MRPS6: variants seen among roughly 807,000 people sequenced by gnomAD.
MRPS6 encodes mitochondrial ribosomal protein S6, also known as small ribosomal subunit protein bS6m.
Under a neutral mutation model 13.1 loss-of-function variants are expected in MRPS6, and 6 were observed. The observed-to-expected ratio is 0.46, with a 90% confidence interval of 0.25 to 0.91. The LOEUF (loss-of-function observed/expected upper bound fraction) is 0.91, where lower values mean the gene tolerates loss of function less well. MRPS6 is among the 40% of genes least tolerant of loss of function. The pLI is 0.18. For missense variants in MRPS6, 164 were observed against 155.6 expected (o/e 1.05, Z -0.29); for synonymous variants, 61 against 56.5 (o/e 1.08, Z -0.36).
intron 1 of MRPS6, among the ~76,000 whole-genome samples, chr21:34,116,980 T>C (rs918863435): frequency 6.6e-6 from 1 of 152,118 alleles, no homozygotes; most frequent in Admixed American, 6.6e-5. Context: ...CCTTCCGACC[T>C]TTCAGAAGGT....
At chr21:34,120,013 C>T (rs143033709) in intron 1 of MRPS6, among the ~76,000 whole-genome samples, 167 of 152,268 alleles carry the variant, frequency 1.1e-3, no homozygotes, top group African/African-American at 3.3e-3. Flanking sequence ...TTGGGCTTTA[C>T]GGGGGACCCT....
intron 1 of MRPS6, chr21:34,105,793 GTTT>G (rs2148663184): frequency 1.0e-6 from 1 of 995,270 alleles, no homozygotes; most frequent in Admixed American, 6.1e-5. Context: ...ATTGTACAGT[GTTT>G]TAGTTGCAAG....
chr21:34,082,548 AG>A, intron 1 of MRPS6, among the ~76,000 whole-genome samples: 1 of 152,096 alleles, frequency 6.6e-6, no homozygotes, highest in East Asian at 1.9e-4. Flanking sequence ...TTTTGCTCAG[AG>A]TGTATCTGTG....
At chr21:34,117,977 A>G in intron 1 of MRPS6, among the ~76,000 whole-genome samples, 1 of 152,168 alleles carries the variant, frequency 6.6e-6, no homozygotes, top group East Asian at 1.9e-4. Flanking sequence ...AAGATTCTAC[A>G]CTATAGCCTG....
At chr21:34,092,855 G>T (rs560683773) in intron 1 of MRPS6, among the ~76,000 whole-genome samples, 9 of 152,302 alleles carry the variant, frequency 5.9e-5, no homozygotes, top group African/African-American at 1.9e-4. Flanking sequence ...CCATTGGGAA[G>T]AGTGATACCT....
intron 2 of MRPS6, among the ~76,000 whole-genome samples, chr21:34,137,126 T>G (rs1249642225): frequency 6.6e-6 from 1 of 152,242 alleles, no homozygotes; most frequent in Middle Eastern, 3.2e-3. Flanking sequence ...ACTTACATTC[T>G]CTATCAGAGT....
Position 34,073,593 on chromosome 21 carries a change from G to C in MRPS6, c.-108G>C. Reference sequence around the variant, plus strand: ...CTCGGACCGTGCTTTCGCCGCCTGGGAGCCGTCCGGCGCAGCAGTTTCTAG... The same window carrying C: ...CTCGGACCGTGCTTTCGCCGCCTGGCAGCCGTCCGGCGCAGCAGTTTCTAG... On this transcript the variant is annotated 5_prime_UTR_variant, in exon 1 of 3. Coordinates refer to ENST00000399312, the MANE Select transcript of MRPS6 (RefSeq NM_032476.4). 1.0e-6 allele frequency: 1 copy of C among 978,758 alleles called. No homozygotes were observed. The highest frequency in any genetic ancestry group is 3.6e-5 in the East Asian group (1 of 28,072). The allele number at this position is 978,758 out of a possible 1,614,324, so 60.6% of individuals were successfully genotyped here. A position where few individuals can be genotyped will look rare whatever the true frequency, so the allele number is the denominator to read the frequency against.
chr21:34,140,106 T>C (rs1281880325), intron 2 of MRPS6, among the ~76,000 whole-genome samples: 1 of 152,096 alleles, frequency 6.6e-6, no homozygotes, highest in East Asian at 1.9e-4. Flanking sequence ...ATGTTCTCTG[T>C]TTTTCTTTTT....
chr21:34,101,604 T>G, intron 1 of MRPS6: 3 of 1,000,246 alleles, frequency 3.0e-6, no homozygotes, highest in Non-Finnish European at 2.4e-6. Context: ...CTACACCTAG[T>G]CTTTTCAGCA....
In MRPS6 at chr21:34,142,331, A is replaced by G. The variant is rs375297819; in HGVS notation, c.186-77A>G. On this transcript the variant is annotated intron_variant, in intron 2 of 2. Transcript: ENST00000399312. The stretch of plus-strand genomic sequence containing the variant: ...AGTTGATGTCTGTCTAGGAAGAGTA[A>G]AATGGAAACACTGACCAAAATAGTA... 4 of 1,480,608 alleles carry G rather than the reference A, an allele frequency of 2.7e-6. No individual in the cohort carries two copies. In the South Asian group the frequency reaches 5.7e-5, roughly 21 times the overall value. The allele number at this position is 1,480,608 out of a possible 1,614,324, so 91.7% of individuals were successfully genotyped here.
At position 34,142,542 on chromosome 21, in the gene MRPS6, G is replaced by A. The variant is rs774641914; in HGVS notation, c.320G>A (p.Gly107Glu). 1 of 1,611,226 alleles carries A rather than the reference G, an allele frequency of 6.2e-7. No individual in the cohort carries two copies. The highest frequency in any genetic ancestry group is 1.1e-5 in the South Asian group (1 of 90,418). Residue 107 changes from glycine (G) to glutamate (E), a missense_variant, in exon 3 of 3, where the codon GGG becomes GAG. Coordinates refer to ENST00000399312, the MANE Select transcript of MRPS6 (RefSeq NM_032476.4). ...ACCCAGGAACTAAAAGAATGTGAAG[G>A]GATTGTCCCAGTCCCACTCGCAGAA... The part of the protein sequence containing the change: ...PLTQELKECE[G>E]IVPVPLAEKL...
intron 1 of MRPS6, chr21:34,123,883 C>T (rs1980209639): frequency 6.6e-6 from 1 of 152,188 alleles, no homozygotes; most frequent in African/African-American, 2.4e-5. Flanking sequence ...TCTCTGTCCT[C>T]TACCCCATTG....
intron 1 of MRPS6, among the ~76,000 whole-genome samples, chr21:34,074,222 C>T (rs1042356846): frequency 1.3e-5 from 2 of 151,030 alleles, no homozygotes; most frequent in Non-Finnish European, 3.0e-5. Flanking sequence ...ACCGCCTCCG[C>T]TCTAGCGCCC....
intron 2 of MRPS6, chr21:34,135,695 T>G: frequency 2.6e-6 from 1 of 387,310 alleles, no homozygotes; most frequent in Non-Finnish European, 5.2e-6. Context: ...GGACCACCAT[T>G]GATGATGGTG....
intron 1 of MRPS6, among the ~76,000 whole-genome samples, chr21:34,111,845 GTT>G (rs60855689): frequency 0.012 from 1,686 of 141,986 alleles, 37 homozygotes; most frequent in South Asian, 0.085. Context: ...CAGAGTTGAG[GTT>G]TTTTTTTTTT....
intron 2 of MRPS6, chr21:34,135,823 A>G (rs909955535): frequency 5.4e-6 from 3 of 552,706 alleles, no homozygotes; most frequent in Non-Finnish European, 7.0e-6. Context: ...ATGCATTATC[A>G]TGGAGTTAGT....
intron 2 of MRPS6, among the ~76,000 whole-genome samples, chr21:34,128,210 G>A (rs765405245): frequency 1.3e-5 from 2 of 152,206 alleles, no homozygotes; most frequent in Non-Finnish European, 2.9e-5. Flanking sequence ...GCTGCATAAT[G>A]CTAACCTAGG....
At chr21:34,093,537 G>A (rs1444271631) in intron 1 of MRPS6, among the ~76,000 whole-genome samples, 1 of 152,058 alleles carries the variant, frequency 6.6e-6, no homozygotes, top group Non-Finnish European at 1.5e-5. Context: ...TTGAGAAGAG[G>A]TAGCTTTAGT....
At chr21:34,079,538 C>T (rs1989411130) in intron 1 of MRPS6, among the ~76,000 whole-genome samples, 2 of 149,406 alleles carry the variant, frequency 1.3e-5, no homozygotes, top group South Asian at 2.1e-4. Flanking sequence ...TGGGTTCAAG[C>T]GATTCTCATG....
Sources: gnomAD v4.1 joint callset for allele counts (sites outside exome capture counted in the v4.1 genomes callset) on GRCh38, gnomAD v4.1.1 for gene constraint, MANE v1.5 for transcripts, NCBI Gene and HGNC (gene_info 2026-07-23, HGNC 2026-07-21) for gene names.